Variants in HORMAD1 observed in about 807,000 individuals in gnomAD.
The protein encoded by HORMAD1 is HORMA domain-containing protein 1.
A neutral mutation model predicts 58.2 loss-of-function variants in HORMAD1; 33 were observed. The ratio of observed to expected loss-of-function variants is 0.57; its 90% confidence interval spans 0.43 to 0.76. HORMAD1 has a LOEUF of 0.76. Ranked by LOEUF, HORMAD1 falls within the 30% of genes least tolerant of loss-of-function variation. The pLI is 0.00. For synonymous variants in HORMAD1, 137 were observed against 144.6 expected, an observed-to-expected ratio of 0.95 and a Z score of 0.38; for missense variants, 363 against 462.0, an observed-to-expected ratio of 0.79 and a Z score of 1.96.
Position 150,706,553 on chromosome 1 carries a change from A to ACTT in HORMAD1, c.801_803dup (p.Thr267_Ser268insArg), listed in dbSNP as rs1651697213. On this transcript the variant is annotated inframe_insertion and splice_region_variant, in exon 10 of 15. Coordinates refer to ENST00000361824, the MANE Select transcript of HORMAD1 (RefSeq NM_032132.5). ...TTTATAACTCTTGAAATACACTTAC[A>ACTT]CTTGTATAATGCTCCTGTTCATCTT... The ACTT allele has an allele frequency of 6.3e-7, 1 of 1,599,980 alleles. No individual in the cohort carries two copies. Among genetic ancestry groups the ACTT allele is most frequent in the African/African-American group, 1.3e-5 (1 of 74,510 alleles).
intron 2 of HORMAD1, among the ~76,000 whole-genome samples, chr1:150,717,712 C>G (rs1652127584): frequency 6.6e-6 from 1 of 152,110 alleles, no homozygotes; most frequent in Admixed American, 6.6e-5. Flanking sequence ...GCGGGTGGAT[C>G]ACAAGGTCAG....
chr1:150,713,535 CA>C (rs1001099714), intron 5 of HORMAD1, among the ~76,000 whole-genome samples: 45 of 142,968 alleles, frequency 3.1e-4, no homozygotes, highest in Non-Finnish European at 2.3e-4. Context: ...GACTCCATCT[CA>C]AAAAAAAAAA....
intron 12 of HORMAD1, among the ~76,000 whole-genome samples, chr1:150,703,786 A>G (rs1363687713): frequency 6.6e-6 from 1 of 152,222 alleles, no homozygotes; most frequent in East Asian, 1.9e-4. Flanking sequence ...GCAGAATAAA[A>G]CATGTATGCT....
intron 13 of HORMAD1, among the ~76,000 whole-genome samples, chr1:150,701,388 A>G (rs1190722914): frequency 6.6e-6 from 1 of 152,084 alleles, no homozygotes; most frequent in Non-Finnish European, 1.5e-5. Flanking sequence ...CTAACTTCCC[A>G]TTGAGAATAG....
intron 10 of HORMAD1, among the ~76,000 whole-genome samples, chr1:150,705,974 A>C (rs1440453882): frequency 6.6e-6 from 1 of 152,172 alleles, no homozygotes; most frequent in Non-Finnish European, 1.5e-5. Flanking sequence ...GTGAGGCAAC[A>C]AAAAAACTCT....
chr1:150,710,600 A>G (rs1190402093), intron 7 of HORMAD1, among the ~76,000 whole-genome samples: 1 of 152,184 alleles, frequency 6.6e-6, no homozygotes, highest in Non-Finnish European at 1.5e-5. Flanking sequence ...TCTGAACACA[A>G]TCTATTAATT....
intron 10 of HORMAD1, among the ~76,000 whole-genome samples, chr1:150,705,950 C>T (rs187595012): frequency 4.4e-4 from 67 of 152,234 alleles, no homozygotes; most frequent in Non-Finnish European, 2.2e-4. Context: ...TAATGACTTC[C>T]ATATTTGCTG....
At chr1:150,700,505 C>G (rs984104846) in intron 13 of HORMAD1, among the ~76,000 whole-genome samples, 2 of 152,102 alleles carry the variant, frequency 1.3e-5, no homozygotes, top group African/African-American at 4.8e-5. Flanking sequence ...ATATGATTCA[C>G]CCATTTATAA....
intron 4 of HORMAD1, 150 bp downstream of exon 4, chr1:150,714,465 C>T (rs887960746): frequency 1.1e-5 from 5 of 444,502 alleles, no homozygotes; most frequent in East Asian, 3.5e-5. Context: ...AGGAAAACTT[C>T]GGTGGAAAAT....
chr1:150,699,000 C>T, intron 14 of HORMAD1: 1 of 266,382 alleles, frequency 3.8e-6, no homozygotes, highest in Non-Finnish European at 7.1e-6. Context: ...AACATTATGT[C>T]CTCAAAATAG....
At chr1:150,701,081 A>G (rs1651522140) in intron 13 of HORMAD1, among the ~76,000 whole-genome samples, 2 of 152,126 alleles carry the variant, frequency 1.3e-5, no homozygotes, top group African/African-American at 4.8e-5. Context: ...TTCTAACCAC[A>G]ATTCAGTAAT....
At chr1:150,713,340 T>A (rs1392154117) in intron 5 of HORMAD1, among the ~76,000 whole-genome samples, 1 of 152,172 alleles carries the variant, frequency 6.6e-6, no homozygotes, top group Admixed American at 6.6e-5. Flanking sequence ...AGTTCCTACC[T>A]AGAAGAGATG....
At chr1:150,719,370 A>G (rs1189713084) in intron 2 of HORMAD1, 103 bp downstream of exon 2, 1 of 713,570 alleles carries the variant, frequency 1.4e-6, no homozygotes, top group African/African-American at 1.9e-5. Flanking sequence ...GTATCATAAA[A>G]CCCTCAAATA....
chr1:150,704,901 G>A (rs917023210), intron 10 of HORMAD1, among the ~76,000 whole-genome samples: 11 of 152,120 alleles, frequency 7.2e-5, no homozygotes, highest in African/African-American at 2.4e-5. Context: ...AAATTAGCCC[G>A]GCGTGGTGGC....
intron 2 of HORMAD1, among the ~76,000 whole-genome samples, chr1:150,718,979 G>T (rs369584246): frequency 9.8e-3 from 1 of 102 alleles, no homozygotes; most frequent in African/African-American, 0.01. Flanking sequence ...AATTAATGCC[G>T]GGCGCGGTGG....
intron 7 of HORMAD1, among the ~76,000 whole-genome samples, chr1:150,710,311 A>G (rs1651834968): frequency 6.6e-6 from 1 of 152,140 alleles, no homozygotes; most frequent in African/African-American, 2.4e-5. Context: ...TCTTTGCTAT[A>G]CTGTAACCAC....
chr1:150,708,386 A>C lies in HORMAD1; in HGVS notation c.417T>G (p.Ser139=). Reference sequence around the variant, plus strand: ...TCTTGGTGTCAGTAGACAACATGCTAGATTCGTTGCTTTGGTTTTTACTAG... The same window carrying C: ...TCTTGGTGTCAGTAGACAACATGCTCGATTCGTTGCTTTGGTTTTTACTAG... ...DFISKNQSNE[S]SMLSTDTKKA... is the part of the protein sequence containing the mutation. Residue 139 remains serine, a synonymous_variant, in exon 9 of 15, where the codon TCT becomes TCG. Coordinates refer to ENST00000361824, the MANE Select transcript of HORMAD1 (RefSeq NM_032132.5). 1 of 1,601,034 alleles carries C rather than the reference A, an allele frequency of 6.2e-7. No individual in the cohort carries two copies. The highest frequency in any genetic ancestry group is 8.5e-7 in the Non-Finnish European group (1 of 1,174,466).
chr1:150,701,571 T>G (rs1471602815), intron 13 of HORMAD1, among the ~76,000 whole-genome samples: 1 of 152,224 alleles, frequency 6.6e-6, no homozygotes, highest in Non-Finnish European at 1.5e-5. Flanking sequence ...AGTGGGGAGT[T>G]GGGAATAAAT....
intron 3 of HORMAD1, among the ~76,000 whole-genome samples, chr1:150,715,814 T>C (rs893563750): frequency 6.6e-6 from 1 of 152,116 alleles, no homozygotes; most frequent in Non-Finnish European, 1.5e-5. Flanking sequence ...TTCATCATTA[T>C]AAGCATAATT....
Sources: allele counts gnomAD v4.1 joint callset (sites outside exome capture counted in the v4.1 genomes callset), GRCh38; gene constraint gnomAD v4.1.1; transcripts MANE v1.5; gene names NCBI Gene and HGNC (gene_info 2026-07-23, HGNC 2026-07-21).